MPP7: variants seen among roughly 807,000 people sequenced by gnomAD.
MPP7 encodes the protein MAGUK p55 scaffold protein 7, also known as MAGUK p55 subfamily member 7.
Under a neutral mutation model 76.5 loss-of-function variants are expected in MPP7, and 60 were observed. The observed-to-expected ratio is 0.78, with a 90% CI of 0.64 to 0.97. MPP7 has a LOEUF of 0.97. Among genes scored for constraint, MPP7 ranks in the 50% least tolerant of loss-of-function variants. MPP7 has a pLI of 0.00. For missense variants in MPP7, 641 were observed against 694.0 expected, an observed-to-expected ratio of 0.92 and a Z score of 0.86; for synonymous variants, 237 against 244.5, an observed-to-expected ratio of 0.97 and a Z score of 0.29.
At position 28,126,354 on chromosome 10, in the gene MPP7, G is replaced by A. The variant is rs148245926; in HGVS notation, c.448-1263C>T. Among the ~76,000 whole-genome samples the A allele has an allele frequency of 3.9e-3, 598 of 152,260 alleles. 13 individuals carry two copies. Among genetic ancestry groups the A allele is most frequent in the East Asian group, 0.027 (142 of 5,182 alleles). ...TATTCTCAATATAACTAATTAGTTTGATTAAATCAACTTTCATTTTCCTTA... is the reference window on the plus strand; with the variant it reads ...TATTCTCAATATAACTAATTAGTTTAATTAAATCAACTTTCATTTTCCTTA... On this transcript the variant is annotated intron_variant, in intron 6 of 16. Transcript: ENST00000683449.
intron 12 of MPP7, among the ~76,000 whole-genome samples, chr10:28,076,315 C>A (rs527509264): frequency 5.9e-5 from 9 of 152,034 alleles, no homozygotes; most frequent in African/African-American, 1.7e-4. Flanking sequence ...AGGGAAAGGG[C>A]GAAAGACATA....
Position 28,092,005 on chromosome 10 carries a change from A to G in MPP7, c.953-2164T>C, listed in dbSNP as rs368444437. Among the ~76,000 whole-genome samples the G allele has an allele frequency of 2.0e-5, 3 of 152,346 alleles. No homozygotes were observed. The East Asian group carries it at 5.8e-4, about 29-fold the overall frequency. On this transcript the variant is annotated intron_variant, in intron 11 of 16. Transcript: ENST00000683449. ...GGAACCAATCTCCCATGGATATCAT[A>G]GGATGACTGCATGAAGGAAATGAAT...
chr10:28,216,358 G>T (rs1353956491), intron 2 of MPP7, among the ~76,000 whole-genome samples: 1 of 152,124 alleles, frequency 6.6e-6, no homozygotes, highest in African/African-American at 2.4e-5. Flanking sequence ...TAAAGATAAT[G>T]CAACATATAT....
intron 13 of MPP7, among the ~76,000 whole-genome samples, chr10:28,061,305 T>C (rs1302919739): frequency 4.0e-5 from 6 of 151,860 alleles, no homozygotes; most frequent in South Asian, 2.1e-4. Context: ...AGAGAAAATA[T>C]ACTTGAATTG....
rs1213353553 is a variant in MPP7, at chr10:28,138,480, G to T, written c.316-6789C>A. On this transcript the variant is annotated intron_variant, in intron 5 of 16. Coordinates refer to ENST00000683449, the MANE Select transcript of MPP7 (RefSeq NM_001318170.2). ...AGACATCTATTGTTTCTTTTATACT[G>T]CATTTATTTTCCTGAACTGGATTTT... Among the ~76,000 whole-genome samples the T allele has an allele frequency of 2.0e-5, 3 of 151,980 alleles. No individual in the cohort carries two copies. The South Asian group carries it at 6.2e-4, about 32-fold the overall frequency.
rs1425622903 is a variant in MPP7, at chr10:28,167,326, C to A, written c.157-17267G>T. ...GCTCTGCCTCAAAAAAACAAACAAA[C>A]AAACAAACAAACAAACAAAACACTC... is the stretch of plus-strand genomic sequence containing the variant. On this transcript the variant is annotated intron_variant, in intron 3 of 16. Transcript: ENST00000683449. Among the ~76,000 whole-genome samples, 124 of 130,680 alleles carry A rather than the reference C, an allele frequency of 9.5e-4. 1 individual carries two copies. The East Asian group carries it at 0.028, about 30-fold the overall frequency. The allele number at this position is 130,680 out of a possible 152,430, so 85.7% of individuals were successfully genotyped here. A position where few individuals can be genotyped will look rare whatever the true frequency, so the allele number is the denominator to read the frequency against.
At chr10:28,305,529 A>G (rs539375197), upstream of MPP7, 1 of 152,376 alleles carries the variant, frequency 6.6e-6, no homozygotes, top group South Asian at 2.1e-4. Flanking sequence ...TGGTGGATCT[A>G]TAGAGAAACT....
chr10:28,254,251 T>C (rs958236531), intron 1 of MPP7, among the ~76,000 whole-genome samples: 7 of 152,280 alleles, frequency 4.6e-5, no homozygotes, highest in African/African-American at 1.7e-4. Flanking sequence ...TATAACTATC[T>C]TGTGGTCCAA....
chr10:28,184,551 A>T (rs1047907178), intron 3 of MPP7, among the ~76,000 whole-genome samples: 3 of 149,292 alleles, frequency 2.0e-5, no homozygotes, highest in African/African-American at 4.9e-5. Flanking sequence ...TCTACTAAAA[A>T]TACAGAAATT....
intron 2 of MPP7, among the ~76,000 whole-genome samples, chr10:28,312,252 C>T (rs1841294182): frequency 6.6e-6 from 1 of 152,120 alleles, no homozygotes; most frequent in South Asian, 2.1e-4. Flanking sequence ...TTCAGTCCTC[C>T]CCACGATTGG....
chr10:28,054,974 C>T (rs189114842), intron 16 of MPP7, among the ~76,000 whole-genome samples: 4 of 152,266 alleles, frequency 2.6e-5, no homozygotes, highest in Middle Eastern at 3.4e-3. Context: ...CCACCACGCC[C>T]GGCTGATTAC....
In MPP7 at chr10:28,120,295, A is replaced by C. The variant is rs778526100; in HGVS notation, c.786T>G (p.Leu262=). 7 of 1,613,926 alleles carry C rather than the reference A, an allele frequency of 4.3e-6. No homozygotes were observed. The African/African-American group carries it at 9.3e-5, about 22-fold the overall frequency. The stretch of plus-strand genomic sequence containing the variant: ...TTGCATCATCTTGGCTCATAATCTG[A>C]AGAATATCTCCCTTTTTGAAAGAAA... ...AGLSFKKGDI[L]QIMSQDDATW... is the part of the protein sequence containing the mutation. The change falls in exon 10 of 17, where the codon CTT becomes CTG. Residue 262 remains leucine (L), a synonymous_variant. Transcript: ENST00000683449.
chr10:28,148,882 C>T (rs1835792041), intron 4 of MPP7, among the ~76,000 whole-genome samples: 1 of 152,094 alleles, frequency 6.6e-6, no homozygotes, highest in Non-Finnish European at 1.5e-5. Context: ...TGTTTTAAAA[C>T]TGATTTTTTA....
intron 3 of MPP7, among the ~76,000 whole-genome samples, chr10:28,197,632 C>A (rs1264558765): frequency 1.3e-5 from 2 of 152,172 alleles, no homozygotes; most frequent in Non-Finnish European, 2.9e-5. Context: ...ATACTGTAAT[C>A]ATCCATCCCT....
chr10:28,185,848 T>G (rs1469036915), intron 3 of MPP7, among the ~76,000 whole-genome samples: 2 of 152,210 alleles, frequency 1.3e-5, no homozygotes, highest in Non-Finnish European at 2.9e-5. Context: ...AAATCTATCA[T>G]GTGAAATTCC....
At chr10:28,239,094 G>A (rs1321819202) in intron 1 of MPP7, among the ~76,000 whole-genome samples, 1 of 151,984 alleles carries the variant, frequency 6.6e-6, no homozygotes, top group African/African-American at 2.4e-5. Context: ...ATTTCTAAAT[G>A]TAGAACAGAG....
At position 28,105,110 on chromosome 10, in the gene MPP7, C is replaced by T. The variant is rs182240104; in HGVS notation, c.952+14541G>A. Among the ~76,000 whole-genome samples the T allele has an allele frequency of 2.9e-4, 41 of 139,568 alleles. No homozygotes were observed. In the East Asian group the frequency reaches 5.9e-3, roughly 20 times the overall value. The allele number at this position is 139,568 out of a possible 152,430, so 91.6% of individuals were successfully genotyped here. On this transcript the variant is annotated intron_variant, in intron 11 of 16. Transcript: ENST00000683449. ...TGGAGGTTGCAGTGAGCCAAGATCG[C>T]GCCACTGCACTCTAGCCTGGCGACA...
At chr10:28,214,373 T>C (rs1838241685) in intron 2 of MPP7, among the ~76,000 whole-genome samples, 1 of 152,144 alleles carries the variant, frequency 6.6e-6, no homozygotes, top group Non-Finnish European at 1.5e-5. Context: ...ACCTGAAAGA[T>C]GAAAGAAGCA....
intron 1 of MPP7, among the ~76,000 whole-genome samples, chr10:28,239,307 G>C (rs1484233299): frequency 6.6e-6 from 1 of 151,458 alleles, no homozygotes; most frequent in Non-Finnish European, 1.5e-5. Context: ...CACCAAGCCT[G>C]GCTAATTTTT....
Sources: allele counts gnomAD v4.1 joint callset (sites outside exome capture counted in the v4.1 genomes callset), GRCh38; gene constraint gnomAD v4.1.1; transcripts MANE v1.5; gene names NCBI Gene and HGNC (gene_info 2026-07-23, HGNC 2026-07-21).